NBEA: variants seen among roughly 807,000 people sequenced by gnomAD.
The protein encoded by NBEA is lysosomal-trafficking regulator 2.
Under a neutral mutation model 343.4 loss-of-function variants are expected in NBEA, and 44 were observed. The ratio of observed to expected loss-of-function variants is 0.13; its 90% CI spans 0.10 to 0.16. The LOEUF is 0.16. Ranked by LOEUF, NBEA falls within the 10% of genes least tolerant of loss-of-function variation. The pLI is 1.00. For synonymous variants in NBEA, 1,175 were observed against 1,238.7 expected, an observed-to-expected ratio of 0.95 and a Z score of 1.08; for missense variants, 2,555 against 3,631.3, an observed-to-expected ratio of 0.70 and a Z score of 7.62.
At chr13:35,572,713 TTTGTTGTTGTTGTTGTTGTTG>T (rs151081649) in intron 45 of NBEA, among the ~76,000 whole-genome samples, 2 of 150,360 alleles carry the variant, frequency 1.3e-5, no homozygotes, top group South Asian at 4.2e-4. Context: ...GCAAGTTGGG[TTTGTTGTTGTTGTTGTTGTTG>T]TTGTTGTTGT....
intron 34 of NBEA, among the ~76,000 whole-genome samples, chr13:35,277,773 A>G (rs535499053): frequency 6.6e-5 from 10 of 151,938 alleles, no homozygotes; most frequent in African/African-American, 2.2e-4. Context: ...AAAAATTTGA[A>G]TAGAAAGGGA....
At chr13:35,526,749 T>C (rs1420746035) in intron 41 of NBEA, among the ~76,000 whole-genome samples, 1 of 152,188 alleles carries the variant, frequency 6.6e-6, no homozygotes, top group Non-Finnish European at 1.5e-5. Context: ...GTGAAGAATG[T>C]GTGAGCGAGT....
chr13:35,324,625 G>A (rs1439070504), intron 36 of NBEA, among the ~76,000 whole-genome samples: 2 of 151,964 alleles, frequency 1.3e-5, no homozygotes, highest in East Asian at 3.9e-4. Context: ...GTTTTAGCAG[G>A]GACATAAATA....
chr13:35,650,680 C>T (rs911664437), intron 52 of NBEA, among the ~76,000 whole-genome samples: 4 of 152,110 alleles, frequency 2.6e-5, no homozygotes, highest in South Asian at 2.1e-4. Flanking sequence ...CCAGCCTGGA[C>T]GACAAAGTGA....
intron 17 of NBEA, among the ~76,000 whole-genome samples, chr13:35,126,459 A>G (rs1343369750): frequency 2.0e-5 from 3 of 152,208 alleles, no homozygotes; most frequent in Admixed American, 6.5e-5. Flanking sequence ...AACTATACAC[A>G]AAAAAATAAA....
chr13:35,283,091 A>G (rs1028829575), intron 34 of NBEA, among the ~76,000 whole-genome samples: 1 of 152,160 alleles, frequency 6.6e-6, no homozygotes, highest in Non-Finnish European at 1.5e-5. Context: ...TTAAATCTGT[A>G]TAAAAACCAT....
intron 55 of NBEA, among the ~76,000 whole-genome samples, chr13:35,663,745 T>G (rs1030204401): frequency 6.6e-6 from 1 of 152,184 alleles, no homozygotes; most frequent in Non-Finnish European, 1.5e-5. Flanking sequence ...TATAAATATG[T>G]TTCAGACAAA....
chr13:35,166,888 G>A lies in NBEA; in HGVS notation c.4234-2099G>A, dbSNP rs566608192. 2.1e-3 allele frequency among the ~76,000 whole-genome samples: 312 copies of A among 152,088 alleles called. 1 individual carries two copies. The highest frequency in any genetic ancestry group is 7.2e-3 in the African/African-American group (301 of 41,550). ...TGTAAAAAGCCAAAAGAGAATTTTG[G>A]AAGGGATAAGTGAAAAAAGGAAACA... On this transcript the variant is annotated intron_variant, in intron 24 of 58. Transcript: ENST00000379939.
chr13:35,169,048 T>C (rs932416682), intron 25 of NBEA, 53 bp downstream of exon 25: 2 of 1,366,980 alleles, frequency 1.5e-6, no homozygotes, highest in Non-Finnish European at 2.0e-6. Flanking sequence ...GTTTTATTTT[T>C]ACTTATTTAT....
intron 41 of NBEA, among the ~76,000 whole-genome samples, chr13:35,477,678 C>CT (rs954386504): frequency 3.9e-5 from 6 of 152,240 alleles, no homozygotes; most frequent in African/African-American, 1.4e-4. Context: ...TATCTCCTGT[C>CT]TTAAGTGTCC....
At chr13:34,949,943 A>T (rs142429221) in intron 1 of NBEA, among the ~76,000 whole-genome samples, 1 of 152,194 alleles carries the variant, frequency 6.6e-6, no homozygotes. Context: ...AGTTATATGT[A>T]TGAAAAGAAG....
chr13:35,665,197 ATTTC>A lies in NBEA; in HGVS notation c.8464+16_8464+19del. ...TCAGTGGTGCTAAAGGTCAGAAGTC[ATTTC>A]TTTCATTTTCAATGTCTAGAAGATG... On this transcript the variant is annotated intron_variant, in intron 56 of 58. Transcript: ENST00000379939. The A allele has an allele frequency of 1.3e-6, 2 of 1,559,512 alleles. No individual in the cohort carries two copies. The highest frequency in any genetic ancestry group is 1.7e-6 in the Non-Finnish European group (2 of 1,145,680).
intron 18 of NBEA, among the ~76,000 whole-genome samples, chr13:35,150,832 G>GTAGAGTAGAGTAGA (rs1368799528): frequency 1.6e-4 from 14 of 87,238 alleles, no homozygotes; most frequent in African/African-American, 7.5e-4. Context: ...AGTAGAGTAG[G>GTAGAGTAGAGTAGA]AGGCCAGGCA....
At chr13:35,589,885 A>C (rs149660891) in intron 46 of NBEA, among the ~76,000 whole-genome samples, 1 of 152,236 alleles carries the variant, frequency 6.6e-6, no homozygotes, top group African/African-American at 2.4e-5. Context: ...AATTAGGAGA[A>C]GAAAGTCTGC....
At chr13:35,156,244 T>C (rs117397794) in intron 20 of NBEA, 38 bp downstream of exon 20, 87,735 of 1,476,938 alleles carry the variant, frequency 0.059, 2,996 homozygotes, top group Non-Finnish European at 0.066. Context: ...CTTTATTCCA[T>C]AATTAATATT....
At chr13:35,216,277 A>G (rs2074060787) in intron 33 of NBEA, among the ~76,000 whole-genome samples, 1 of 151,724 alleles carries the variant, frequency 6.6e-6, no homozygotes, top group Non-Finnish European at 1.5e-5. Flanking sequence ...AGTGTCTATA[A>G]ACTGTGGACC....
chr13:35,651,974 C>T (rs2084545369), intron 53 of NBEA, 98 bp downstream of exon 53: 1 of 729,742 alleles, frequency 1.4e-6, no homozygotes, highest in South Asian at 1.9e-5. Context: ...TTTTCTACCA[C>T]AAGATTAAAA....
intron 1 of NBEA, among the ~76,000 whole-genome samples, chr13:34,952,042 C>G (rs2059365842): frequency 6.6e-6 from 1 of 152,148 alleles, no homozygotes; most frequent in Non-Finnish European, 1.5e-5. Context: ...TCCTGCTTTA[C>G]ATATGTAGAA....
At chr13:35,464,832 G>A (rs573610537) in intron 40 of NBEA, among the ~76,000 whole-genome samples, 2 of 152,020 alleles carry the variant, frequency 1.3e-5, no homozygotes, top group Non-Finnish European at 2.9e-5. Flanking sequence ...GCTCTTTGTG[G>A]GTAAAATGTA....
Sources: allele counts gnomAD v4.1 joint callset (sites outside exome capture counted in the v4.1 genomes callset), GRCh38; gene constraint gnomAD v4.1.1; transcripts MANE v1.5; gene names NCBI Gene and HGNC (gene_info 2026-07-23, HGNC 2026-07-21).